DAP3: variants seen among roughly 807,000 people sequenced by gnomAD.
DAP3 encodes death associated protein 3.
In DAP3, 28 loss-of-function variants were observed where a neutral mutation model predicts 51.9. That is an observed-to-expected ratio of 0.54 (90% CI 0.40 to 0.74). The LOEUF (loss-of-function observed/expected upper bound fraction) is 0.74, where lower values mean the gene tolerates loss of function less well. Among genes scored for constraint, DAP3 ranks in the 30% least tolerant of loss-of-function variants. The pLI is 0.00. For missense variants in DAP3, 458 were observed against 483.5 expected, an observed-to-expected ratio of 0.95 and a Z score of 0.49; for synonymous variants, 170 against 170.3, an observed-to-expected ratio of 1.00 and a Z score of 0.01.
At chr1:155,688,743 C>T (rs115908216), upstream of DAP3, 5,082 of 1,518,184 alleles carry the variant, frequency 3.3e-3, 173 homozygotes, top group African/African-American at 0.063. Context: ...CAACCGCCGC[C>T]AAAGCAGCCG....
chr1:155,704,310 A>G (rs1463361941), intron 1 of DAP3, among the ~76,000 whole-genome samples: 1 of 152,182 alleles, frequency 6.6e-6, no homozygotes, highest in African/African-American at 2.4e-5. Context: ...GTCATTTCTC[A>G]TAGTGTCTAT....
upstream of DAP3, chr1:155,688,902 T>C (rs532041441): frequency 1.2e-6 from 2 of 1,612,470 alleles, no homozygotes; most frequent in African/African-American, 1.3e-5. Context: ...ATTGCCAGGG[T>C]GGCCGGCCGA....
upstream of DAP3, chr1:155,688,161 A>T: frequency 1.2e-6 from 2 of 1,613,898 alleles, no homozygotes; most frequent in South Asian, 1.1e-5. Context: ...TCCACCGCGG[A>T]TCCCTCCCGC....
In DAP3 at chr1:155,737,026, G is replaced by C. The variant is rs150623601; in HGVS notation, c.1074G>C (p.Gln358His). The C allele has an allele frequency of 1.8e-3, 2,837 of 1,613,956 alleles. 11 individuals carry two copies. The highest frequency in any genetic ancestry group is 1.2e-3 in the Non-Finnish European group (1,468 of 1,179,950). ...YNPKEFESCI[Q>H]YYLENNWLQH... ...CAAAGGAATTTGAAAGTTGTATTCAGTATTATTTGGAAAACAATTGGCTTC... is the reference window on the plus strand; with the variant it reads ...CAAAGGAATTTGAAAGTTGTATTCACTATTATTTGGAAAACAATTGGCTTC... Residue 358 changes from glutamine (Q) to histidine (H), a missense_variant, in exon 12 of 13, where the codon CAG becomes CAC. Transcript: ENST00000368336.
At chr1:155,716,160 A>C (rs1213452862) in intron 2 of DAP3, among the ~76,000 whole-genome samples, 2 of 152,256 alleles carry the variant, frequency 1.3e-5, no homozygotes, top group Admixed American at 6.5e-5. Context: ...GTTTCCGTAT[A>C]GGACAGACCC....
upstream of DAP3, chr1:155,688,829 G>T (rs1653186077): frequency 1.3e-6 from 2 of 1,576,144 alleles, no homozygotes; most frequent in Admixed American, 1.9e-5. Context: ...TCCATTCCTG[G>T]CGGCTGCAGG....
chr1:155,689,105 G>T lies in DAP3; in HGVS notation c.-77G>T. ...GACCCTTTTTTGCAGTCTCAGGACG[G>T]GCGCTTTGGAGCCGGCCCCAGGCAG... On this transcript the variant is annotated 5_prime_UTR_variant, in exon 1 of 13. Transcript: ENST00000368336. 1 of 1,302,424 alleles carries T rather than the reference G, an allele frequency of 7.7e-7. No individual in the cohort carries two copies. Among genetic ancestry groups the T allele is most frequent in the Non-Finnish European group, 1.1e-6 (1 of 939,830 alleles). 80.7% of individuals were successfully genotyped at this position (1,302,424 alleles called of 1,614,324 possible). A position where few individuals can be genotyped will look rare whatever the true frequency, so the allele number is the denominator to read the frequency against.
At chr1:155,726,277 C>T (rs1412969541) in intron 6 of DAP3, 7 of 242,208 alleles carry the variant, frequency 2.9e-5, no homozygotes, top group Middle Eastern at 1.4e-3. Flanking sequence ...CACCACCACG[C>T]CCAGCTAATT....
At chr1:155,719,484 C>T (rs1291213481) in intron 3 of DAP3, among the ~76,000 whole-genome samples, 1 of 151,648 alleles carries the variant, frequency 6.6e-6, no homozygotes, top group Non-Finnish European at 1.5e-5. Context: ...AATCCGCTCA[C>T]CTTGGCCTCC....
intron 2 of DAP3, among the ~76,000 whole-genome samples, chr1:155,711,912 T>C (rs566047250): frequency 6.6e-6 from 1 of 151,316 alleles, no homozygotes; most frequent in East Asian, 1.9e-4. Context: ...GCGGGAAGCA[T>C]CTAGCTCAGG....
intron 6 of DAP3, 111 bp downstream of exon 6, chr1:155,726,130 TGAGATGGAG>T: frequency 1.1e-6 from 1 of 879,872 alleles, no homozygotes; most frequent in Non-Finnish European, 1.7e-6. Context: ...TTTTTTTTTT[TGAGATGGAG>T]TTTCGCTCTT....
At chr1:155,695,111 G>T (rs34058515) in intron 1 of DAP3, among the ~76,000 whole-genome samples, 2 of 152,210 alleles carry the variant, frequency 1.3e-5, no homozygotes, top group African/African-American at 4.8e-5. Flanking sequence ...TACTACAGTA[G>T]CCTGGTCTGT....
chr1:155,725,919 T>C lies in DAP3; in HGVS notation c.380-8T>C. ...CAGTCATGTTTTCTTTAACAACATATACTTTAGATGGAGAGAAGGGAACAG... is the reference window on the plus strand; with the variant it reads ...CAGTCATGTTTTCTTTAACAACATACACTTTAGATGGAGAGAAGGGAACAG... On this transcript the variant is annotated splice_polypyrimidine_tract_variant and splice_region_variant and intron_variant, in intron 5 of 12. Coordinates refer to ENST00000368336, the MANE Select transcript of DAP3 (RefSeq NM_004632.4). The C allele has an allele frequency of 4.3e-6, 7 of 1,612,428 alleles. No individual in the cohort carries two copies. The highest frequency in any genetic ancestry group is 5.9e-6 in the Non-Finnish European group (7 of 1,178,710).
intron 2 of DAP3, among the ~76,000 whole-genome samples, chr1:155,710,763 G>C (rs1183419919): frequency 6.6e-6 from 1 of 152,130 alleles, no homozygotes; most frequent in African/African-American, 2.4e-5. Context: ...AGGTTGCAAA[G>C]CCCACACGAG....
At position 155,690,533 on chromosome 1, in the gene DAP3, C is replaced by G. The variant is rs1045407145; in HGVS notation, c.-8+1359C>G. On this transcript the variant is annotated intron_variant, in intron 1 of 12. Coordinates refer to ENST00000368336, the MANE Select transcript of DAP3 (RefSeq NM_004632.4). ...GCAGCCTAGGTGACAGAGCGAGACC[C>G]TGTCTCAAAAAAAGAAAGAAGACAT... Among the ~76,000 whole-genome samples the G allele has an allele frequency of 2.8e-4, 39 of 141,396 alleles. 10 individuals carry two copies. The highest frequency in any genetic ancestry group is 1.1e-3 in the African/African-American group (33 of 31,038). 92.8% of individuals were successfully genotyped at this position (141,396 alleles called of 152,430 possible).
Position 155,735,271 on chromosome 1 carries a change from G to T in DAP3, c.994-1675G>T, listed in dbSNP as rs529260812. ...CTCCAGCCTGGGAGACAGTGAAAAA[G>T]AAAGAAAAAAATAAGTTCCTTGGGC... On this transcript the variant is annotated intron_variant, in intron 11 of 12. Transcript: ENST00000368336. Among the ~76,000 whole-genome samples, 10 of 146,406 alleles carry T rather than the reference G, an allele frequency of 6.8e-5. No individual in the cohort carries two copies. In the East Asian group the frequency reaches 2.1e-3, roughly 31 times the overall value.
chr1:155,737,117 C>T (rs1659886771), intron 12 of DAP3, 54 bp downstream of exon 12: 4 of 1,263,774 alleles, frequency 3.2e-6, no homozygotes, highest in Non-Finnish European at 4.6e-6. Context: ...TAGAATCCCA[C>T]TCAGTCAGAG....
rs755975984 is a variant in DAP3, at chr1:155,738,137, T to G, written c.1112-20T>G. ...CAGCAGGAGGAAACTGCCACTTACCTGTGTTTGTCTCCATTTTAGCTCCTA... is the reference window on the plus strand; with the variant it reads ...CAGCAGGAGGAAACTGCCACTTACCGGTGTTTGTCTCCATTTTAGCTCCTA... On this transcript the variant is annotated intron_variant, in intron 12 of 12. Transcript: ENST00000368336. The G allele has an allele frequency of 6.2e-7, 1 of 1,613,606 alleles. No homozygotes were observed. The highest frequency in any genetic ancestry group is 8.5e-7 in the Non-Finnish European group (1 of 1,179,546).
intron 1 of DAP3, among the ~76,000 whole-genome samples, chr1:155,707,882 A>G (rs1010559199): frequency 2.6e-5 from 4 of 152,288 alleles, no homozygotes; most frequent in Non-Finnish European, 4.4e-5. Flanking sequence ...GATGCATGCA[A>G]TGGTAATTTT....
Sources: gnomAD v4.1 joint callset for allele counts (sites outside exome capture counted in the v4.1 genomes callset) on GRCh38, gnomAD v4.1.1 for gene constraint, MANE v1.5 for transcripts, NCBI Gene and HGNC (gene_info 2026-07-23, HGNC 2026-07-21) for gene names.